Variants in SCGB2B2 observed in about 807,000 individuals in gnomAD.
The protein encoded by SCGB2B2 is secretoglobin family 2B member 2.
In SCGB2B2, 11 loss-of-function variants were observed where a neutral mutation model predicts 7.6. The ratio of observed to expected loss-of-function variants is 1.45; its 90% CI spans 0.91 to 2.40. The LOEUF (loss-of-function observed/expected upper bound fraction) is 2.40. Among genes scored for constraint, SCGB2B2 ranks in the 30% most tolerant of loss-of-function variants. SCGB2B2 has a pLI of 0.00. For missense variants in SCGB2B2, 104 were observed against 115.4 expected (o/e 0.90, Z 0.45); for synonymous variants, 50 against 48.6 (o/e 1.03, Z -0.12).
intron 1 of SCGB2B2, among the ~76,000 whole-genome samples, chr19:34,657,363 G>A (rs2067309786): frequency 6.6e-6 from 1 of 151,210 alleles, no homozygotes; most frequent in South Asian, 2.1e-4. Context: ...CCCATCTCAT[G>A]TGAAAAGATG....
Position 34,676,960 on chromosome 19 carries a change from G to A in SCGB2B2, c.-3362C>T, listed in dbSNP as rs576107345. On this transcript the variant is annotated 5_prime_UTR_variant, in exon 1 of 4. Transcript: ENST00000601241. Reference sequence around the variant, plus strand: ...GGAGGAGTGACTCCTCCCAGGATGAGGGTCTCCATCCTCCCAGTGCTCACT... The same window carrying A: ...GGAGGAGTGACTCCTCCCAGGATGAAGGTCTCCATCCTCCCAGTGCTCACT... 2 of 152,152 alleles carry A rather than the reference G, an allele frequency of 1.3e-5. No homozygotes were observed. The highest frequency in any genetic ancestry group is 2.1e-4 in the South Asian group (1 of 4,814). The allele number at this position is 152,152 out of a possible 1,614,324, so 9.4% of individuals were successfully genotyped here.
chr19:34,639,973 G>A (rs1359752092), intron 1 of SCGB2B2, among the ~76,000 whole-genome samples: 1 of 151,954 alleles, frequency 6.6e-6, no homozygotes, highest in African/African-American at 2.4e-5. Flanking sequence ...CTGGTAGTGT[G>A]GAATTCAGAA....
At chr19:34,644,362 G>GTTTTTTTTTTTTTTTTTTTTT in intron 1 of SCGB2B2, among the ~76,000 whole-genome samples, 1 of 134,358 alleles carries the variant, frequency 7.4e-6, no homozygotes, top group Non-Finnish European at 1.6e-5. Flanking sequence ...TTTTTTTTTT[G>GTTTTTTTTTTTTTTTTTTTTT]TTTTTTTTTT....
In SCGB2B2 at chr19:34,593,578, C is replaced by T. The variant is rs529478971; in HGVS notation, c.268G>A (p.Asp90Asn). 1.6e-5 allele frequency: 25 copies of T among 1,553,574 alleles called. No homozygotes were observed. In the East Asian group the frequency reaches 2.4e-4, roughly 15 times the overall value. ...VVIKKILQSN[D>N]CIEAAF ...GATCAGAAGGCTGCTTCTATGCAAT[C>T]GTTGCTCTGAAGGATCTTCTTCTGT... Residue 90 changes from aspartate (D) to asparagine (N), a missense_variant, in exon 4 of 4, where the codon GAT becomes AAT. Transcript: ENST00000601241.
At chr19:34,628,853 C>T (rs1388186718) in intron 1 of SCGB2B2, among the ~76,000 whole-genome samples, 5 of 151,898 alleles carry the variant, frequency 3.3e-5, no homozygotes, top group East Asian at 1.9e-4. Context: ...TGATGAACAT[C>T]GATGCAAAAG....
intron 1 of SCGB2B2, among the ~76,000 whole-genome samples, chr19:34,639,687 G>A (rs772649919): frequency 6.6e-6 from 1 of 152,146 alleles, no homozygotes; most frequent in Non-Finnish European, 1.5e-5. Flanking sequence ...ACCAGGAGGC[G>A]CTCTTTTCCA....
chr19:34,608,685 A>ATATATATATATATATATATATATATAT (rs1489127995), intron 1 of SCGB2B2: 2 of 131,474 alleles, frequency 1.5e-5, no homozygotes, highest in South Asian at 2.6e-4. Flanking sequence ...ATATATATAT[A>ATATATATATATATATATATATATATAT]CCGTATTTTC....
intron 1 of SCGB2B2, among the ~76,000 whole-genome samples, chr19:34,629,467 AC>A (rs199850728): frequency 0.026 from 4,014 of 152,036 alleles, 193 homozygotes; most frequent in African/African-American, 0.09. Flanking sequence ...ATTCCTATAC[AC>A]CAATAACAGA....
intron 1 of SCGB2B2, among the ~76,000 whole-genome samples, chr19:34,668,859 C>G (rs915031603): frequency 6.6e-6 from 1 of 152,120 alleles, no homozygotes; most frequent in Admixed American, 6.5e-5. Flanking sequence ...TGGAAACAGA[C>G]GGCTCGGCTC....
intron 1 of SCGB2B2, among the ~76,000 whole-genome samples, chr19:34,634,251 A>C (rs1019018175): frequency 1.3e-5 from 2 of 152,190 alleles, no homozygotes; most frequent in African/African-American, 4.8e-5. Context: ...GAATGTAATT[A>C]TGGTGGTCTG....
At chr19:34,672,028 C>T (rs549170665) in intron 1 of SCGB2B2, among the ~76,000 whole-genome samples, 18 of 152,310 alleles carry the variant, frequency 1.2e-4, no homozygotes, top group Admixed American at 4.6e-4. Flanking sequence ...ATATTCCAAA[C>T]TACCTTGGAG....
At chr19:34,611,913 A>G (rs1345707086) in intron 1 of SCGB2B2, among the ~76,000 whole-genome samples, 2 of 151,912 alleles carry the variant, frequency 1.3e-5, no homozygotes, top group African/African-American at 2.4e-5. Context: ...TTGGCCTCCC[A>G]AAGTGCTGGG....
intron 1 of SCGB2B2, among the ~76,000 whole-genome samples, chr19:34,605,778 G>C (rs900075700): frequency 6.6e-6 from 1 of 151,844 alleles, no homozygotes; most frequent in Non-Finnish European, 1.5e-5. Flanking sequence ...TTTTTTAGTA[G>C]ACACGGGGTT....
chr19:34,660,520 A>G (rs1229923353), intron 1 of SCGB2B2, among the ~76,000 whole-genome samples: 1 of 152,268 alleles, frequency 6.6e-6, no homozygotes, highest in Non-Finnish European at 1.5e-5. Context: ...TGCAGCCAAC[A>G]GATATATGAA....
chr19:34,614,431 T>C (rs563717980), intron 1 of SCGB2B2, among the ~76,000 whole-genome samples: 18 of 152,292 alleles, frequency 1.2e-4, no homozygotes, highest in South Asian at 1.0e-3. Context: ...ATTTCATTCA[T>C]TGAATTCTTC....
At chr19:34,593,998 G>C (rs2065368342) in intron 3 of SCGB2B2, among the ~76,000 whole-genome samples, 177 bp downstream of exon 3, 1 of 151,836 alleles carries the variant, frequency 6.6e-6, no homozygotes, top group African/African-American at 2.4e-5. Flanking sequence ...AGGACTTGGA[G>C]AGGTGAGGCA....
intron 1 of SCGB2B2, among the ~76,000 whole-genome samples, chr19:34,619,189 G>A (rs971906922): frequency 1.3e-5 from 2 of 151,960 alleles, no homozygotes; most frequent in Non-Finnish European, 2.9e-5. Flanking sequence ...CACCACACAC[G>A]TAACACACAT....
At chr19:34,668,935 C>G (rs1294965323) in intron 1 of SCGB2B2, among the ~76,000 whole-genome samples, 1 of 152,096 alleles carries the variant, frequency 6.6e-6, no homozygotes, top group African/African-American at 2.4e-5. Flanking sequence ...GCAGGCTGCC[C>G]CAGCCAGCAG....
chr19:34,649,486 TTC>T lies in SCGB2B2; in HGVS notation c.-2032+26142_-2032+26143del, dbSNP rs766115395. 1.1e-4 allele frequency among the ~76,000 whole-genome samples: 16 copies of T among 152,272 alleles called. No individual in the cohort carries two copies. The East Asian group carries it at 2.1e-3, about 20-fold the overall frequency. ...GCTGGTCACCACCATCACTTTCGAT[TTC>T]TCTTTTTTTGTGTGAATTTACTTAA... On this transcript the variant is annotated intron_variant, in intron 1 of 3. Coordinates refer to ENST00000601241, the MANE Select transcript of SCGB2B2 (RefSeq NM_001025591.4).
Sources: allele counts gnomAD v4.1 joint callset (sites outside exome capture counted in the v4.1 genomes callset), GRCh38; gene constraint gnomAD v4.1.1; transcripts MANE v1.5; gene names NCBI Gene and HGNC (gene_info 2026-07-23, HGNC 2026-07-21).